MANBAL: variants seen among roughly 807,000 people sequenced by gnomAD.
MANBAL encodes protein MANBAL.
MANBAL carries 1 observed loss-of-function variant against 6.4 expected under a neutral mutation model. That is an observed-to-expected ratio of 0.16 (90% CI 0.06 to 0.74). The LOEUF (loss-of-function observed/expected upper bound fraction) is 0.74, where lower values mean the gene tolerates loss of function less well. Ranked by LOEUF, MANBAL falls within the 30% of genes least tolerant of loss-of-function variation. The pLI is 0.78. For synonymous variants in MANBAL, 47 were observed against 45.8 expected (o/e 1.03, Z -0.10); for missense variants, 100 against 107.8 (o/e 0.93, Z 0.32).
chr20:37,311,881 G>T (rs1485224410), intron 2 of MANBAL, among the ~76,000 whole-genome samples: 5 of 152,236 alleles, frequency 3.3e-5, no homozygotes, highest in Non-Finnish European at 1.5e-5. Context: ...GAGAGTCTGT[G>T]GGAGGCAGAT....
chr20:37,305,851 T>G (rs1199636636), intron 2 of MANBAL, among the ~76,000 whole-genome samples: 1 of 151,976 alleles, frequency 6.6e-6, no homozygotes, highest in Admixed American at 6.6e-5. Flanking sequence ...CTTCCGAAAC[T>G]CCTAACTAGA....
intron 1 of MANBAL, chr20:37,298,695 A>C (rs1397256899): frequency 1.3e-5 from 2 of 151,928 alleles, no homozygotes; most frequent in African/African-American, 4.8e-5. Context: ...TATTGTGAAT[A>C]ATGCTGCTAT....
chr20:37,312,214 C>T (rs1407777040), intron 2 of MANBAL, among the ~76,000 whole-genome samples: 1 of 152,166 alleles, frequency 6.6e-6, no homozygotes, highest in Non-Finnish European at 1.5e-5. Flanking sequence ...CAAGCGTGAT[C>T]TGGAGCACAA....
At chr20:37,296,971 G>A (rs557418246) in intron 1 of MANBAL, 2 of 152,262 alleles carry the variant, frequency 1.3e-5, no homozygotes, top group African/African-American at 4.8e-5. Flanking sequence ...CAATGTTGCT[G>A]TTAGTAGTAA....
chr20:37,303,571 T>G (rs2069188098), intron 2 of MANBAL, among the ~76,000 whole-genome samples: 1 of 152,186 alleles, frequency 6.6e-6, no homozygotes, highest in Non-Finnish European at 1.5e-5. Context: ...CTACTGAATC[T>G]GAGGTCCCCA....
chr20:37,292,366 G>C (rs1251117752), intron 1 of MANBAL, among the ~76,000 whole-genome samples: 1 of 152,108 alleles, frequency 6.6e-6, no homozygotes, highest in Non-Finnish European at 1.5e-5. Context: ...CAGTGGTGCA[G>C]TCTTGGCTCA....
chr20:37,315,411 A>G (rs1034533705), intron 2 of MANBAL, among the ~76,000 whole-genome samples: 1 of 152,192 alleles, frequency 6.6e-6, no homozygotes, highest in African/African-American at 2.4e-5. Context: ...ATAGGAGCAC[A>G]CTGAGCCTAT....
chr20:37,295,359 A>G (rs2068969608), intron 1 of MANBAL, among the ~76,000 whole-genome samples: 1 of 152,256 alleles, frequency 6.6e-6, no homozygotes, highest in Non-Finnish European at 1.5e-5. Flanking sequence ...AAGAAATAAC[A>G]TTCTAAAATT....
In MANBAL at chr20:37,313,302, C is replaced by T. The variant is rs150950305; in HGVS notation, c.151-3006C>T. On this transcript the variant is annotated intron_variant, in intron 2 of 2. Transcript: ENST00000373606. ...AGGAGAATGGCATGAACCCAGGAGG[C>T]GGAACTTGCAATGAGCCGAGATCGA... 4.5e-3 allele frequency among the ~76,000 whole-genome samples: 684 copies of T among 151,836 alleles called. 3 individuals carry two copies. The highest frequency in any genetic ancestry group is 0.012 in the South Asian group (58 of 4,810).
intron 2 of MANBAL, among the ~76,000 whole-genome samples, chr20:37,305,516 A>T (rs778871046): frequency 1.3e-4 from 20 of 151,946 alleles, no homozygotes; most frequent in Non-Finnish European, 2.6e-4. Context: ...ATGCCATCAT[A>T]CCCCCCTACC....
chr20:37,306,581 C>A (rs1483504272), intron 2 of MANBAL, among the ~76,000 whole-genome samples: 1 of 152,218 alleles, frequency 6.6e-6, no homozygotes, highest in African/African-American at 2.4e-5. Flanking sequence ...TTTGTTTGAG[C>A]CTGATGGAGG....
intron 2 of MANBAL, among the ~76,000 whole-genome samples, chr20:37,313,380 CAAAG>C (rs1054474894): frequency 1.4e-5 from 2 of 141,478 alleles, no homozygotes; most frequent in East Asian, 2.2e-4. Context: ...CAAAAAAAAA[CAAAG>C]AAAACATGTA....
intron 1 of MANBAL, among the ~76,000 whole-genome samples, chr20:37,296,689 C>T (rs185093750): frequency 4.9e-4 from 75 of 152,190 alleles, no homozygotes; most frequent in Admixed American, 1.6e-3. Flanking sequence ...TGTTTCCTTA[C>T]TATAAATTCT....
chr20:37,300,625 G>A (rs1014030713), intron 1 of MANBAL, among the ~76,000 whole-genome samples: 2 of 152,172 alleles, frequency 1.3e-5, no homozygotes, highest in Non-Finnish European at 2.9e-5. Context: ...CTGAAACGTA[G>A]CAGCCTTTAG....
chr20:37,291,271 T>C (rs1243854109), intron 1 of MANBAL, among the ~76,000 whole-genome samples: 1 of 152,166 alleles, frequency 6.6e-6, no homozygotes, highest in Non-Finnish European at 1.5e-5. Flanking sequence ...GTTTCCCCTA[T>C]TACTAATATC....
intron 1 of MANBAL, chr20:37,297,432 C>T (rs993180229): frequency 1.3e-5 from 2 of 152,132 alleles, no homozygotes; most frequent in African/African-American, 4.8e-5. Context: ...CTTTGAAGGC[C>T]ATTCCCATGG....
At position 37,316,353 on chromosome 20, in the gene MANBAL, C is replaced by T; in HGVS notation, c.196C>T (p.Pro66Ser). The T allele has an allele frequency of 6.2e-7, 1 of 1,613,860 alleles. No individual in the cohort carries two copies. The highest frequency in any genetic ancestry group is 8.5e-7 in the Non-Finnish European group (1 of 1,179,886). Reference sequence around the variant, plus strand: ...CAGAAGTGCTGAGGTGACGAGGAAGCCCAAGGCTGCTGTTCCTTCTGTGAA... The same window carrying T: ...CAGAAGTGCTGAGGTGACGAGGAAGTCCAAGGCTGCTGTTCCTTCTGTGAA... ...EPRSAEVTRK[P>S]KAAVPSVNKR... The change falls in exon 3 of 3, where the codon CCC becomes TCC. Residue 66 changes from proline (P) to serine (S), a missense_variant. Transcript: ENST00000373606.
At chr20:37,298,882 G>A (rs1159460359) in intron 1 of MANBAL, 1 of 152,010 alleles carries the variant, frequency 6.6e-6, no homozygotes, top group Non-Finnish European at 1.5e-5. Context: ...GACTACAGGT[G>A]TGTACCACCA....
chr20:37,290,045 T>C (rs2068829882), intron 1 of MANBAL, among the ~76,000 whole-genome samples: 1 of 152,170 alleles, frequency 6.6e-6, no homozygotes, highest in Non-Finnish European at 1.5e-5. Flanking sequence ...TCCGTATGGC[T>C]CTCTTACCGT....
Sources: allele counts gnomAD v4.1 joint callset (sites outside exome capture counted in the v4.1 genomes callset), GRCh38; gene constraint gnomAD v4.1.1; transcripts MANE v1.5; gene names NCBI Gene and HGNC (gene_info 2026-07-23, HGNC 2026-07-21).